The following SARDH variants were observed in gnomAD, a reference collection of about 807,000 sequenced individuals.
SARDH encodes the protein sarcosine dehydrogenase.
A neutral mutation model predicts 109.1 loss-of-function variants in SARDH; 95 were observed. The observed-to-expected ratio is 0.87, with a 90% CI of 0.74 to 1.03. The LOEUF (loss-of-function observed/expected upper bound fraction) is 1.03, where lower values mean the gene tolerates loss of function less well. Ranked by LOEUF, SARDH falls within the 50% of genes least tolerant of loss-of-function variation. The pLI is 0.00. For missense variants in SARDH, 1,267 were observed against 1,287.8 expected (o/e 0.98, Z 0.25); for synonymous variants, 572 against 534.8 (o/e 1.07, Z -0.96).
intron 13 of SARDH, among the ~76,000 whole-genome samples, chr9:133,697,499 A>C (rs1295587398): frequency 1.3e-5 from 2 of 152,260 alleles, no homozygotes; most frequent in Admixed American, 1.3e-4. Flanking sequence ...ATTTCTTACA[A>C]ATATAGATAC....
chr9:133,733,917 G>A lies in SARDH; in HGVS notation c.257C>T (p.Ala86Val), dbSNP rs1300324568. Residue 86 changes from alanine (A) to valine (V), a missense_variant, in exon 2 of 21, where the codon GCC (alanine) becomes GTC (valine). Coordinates refer to ENST00000439388, the MANE Select transcript of SARDH (RefSeq NM_001134707.2). Reference sequence around the variant, plus strand: ...CACCGCCCCACTCATGCCCAGCTTGGCCAGGTGGTACAGGGTCTGGCAGCC... The same window carrying A: ...CACCGCCCCACTCATGCCCAGCTTGACCAGGTGGTACAGGGTCTGGCAGCC... ...SLGCQTLYHL[A>V]KLGMSGAVLL... 1 of 1,565,324 alleles carries A rather than the reference G, an allele frequency of 6.4e-7. No homozygotes were observed.
intron 15 of SARDH, among the ~76,000 whole-genome samples, chr9:133,691,499 G>A (rs376213448): frequency 2.1e-4 from 32 of 152,352 alleles, no homozygotes; most frequent in African/African-American, 6.5e-4. Context: ...TTGCACCATC[G>A]GCAGTGGGTG....
At position 133,704,828 on chromosome 9, in the gene SARDH, G is replaced by T; in HGVS notation, c.1554+120C>A. 1.2e-6 allele frequency: 1 copy of T among 823,948 alleles called. No individual in the cohort carries two copies. Among genetic ancestry groups the T allele is most frequent in the Non-Finnish European group, 2.0e-6 (1 of 504,900 alleles). The allele number at this position is 823,948 out of a possible 1,614,324, so 51.0% of individuals were successfully genotyped here. A position where few individuals can be genotyped will look rare whatever the true frequency, so the allele number is the denominator to read the frequency against. On this transcript the variant is annotated intron_variant, in intron 12 of 20. Coordinates refer to ENST00000439388, the MANE Select transcript of SARDH (RefSeq NM_001134707.2). The surrounding 1 kb of genome is among the most constrained non-coding windows in gnomAD (Gnocchi z 4.5). ...TCCCGTGTGCAGAATAACTGATCAC[G>T]ACAGTGGAACCACCTGGGGAGGCGG...
intron 17 of SARDH, among the ~76,000 whole-genome samples, chr9:133,674,358 C>A (rs943571531): frequency 6.6e-6 from 1 of 152,192 alleles, no homozygotes; most frequent in Non-Finnish European, 1.5e-5. Context: ...CACATGGTCC[C>A]GGCACGTCGT....
intron 13 of SARDH, among the ~76,000 whole-genome samples, chr9:133,702,632 G>T (rs967071400): frequency 1.2e-4 from 18 of 152,194 alleles, no homozygotes; most frequent in Admixed American, 1.2e-3. Flanking sequence ...CAGCCCCACC[G>T]GGCCCCAGCC....
rs60171942 is a variant in SARDH, at chr9:133,664,563, A to AGCTGGTGACGCCTGGCACT, written c.2632-568_2632-550dup. ...GAGGGTGTCACCTCCAGCCTGGCAC[A>AGCTGGTGACGCCTGGCACT]GCTGGTGACGCCTGGCACTTTTGCT... On this transcript the variant is annotated intron_variant, in intron 20 of 20. Coordinates refer to ENST00000439388, the MANE Select transcript of SARDH (RefSeq NM_001134707.2). Among the ~76,000 whole-genome samples the AGCTGGTGACGCCTGGCACT allele has an allele frequency of 2.9e-3, 448 of 152,302 alleles. 1 individual carries two copies. Among genetic ancestry groups the AGCTGGTGACGCCTGGCACT allele is most frequent in the African/African-American group, 0.01 (429 of 41,564 alleles).
At position 133,718,827 on chromosome 9, in the gene SARDH, C is replaced by G; in HGVS notation, c.1020+111G>C. On this transcript the variant is annotated intron_variant, in intron 7 of 20. Coordinates refer to ENST00000439388, the MANE Select transcript of SARDH (RefSeq NM_001134707.2). This position sits in a 1 kb window ranked among gnomAD's most constrained non-coding sequence, Gnocchi z 4.2. ...TGGGGTCAGGGGACCGGCCACTTCT[C>G]AGGTGTGCCTCTGAGGAGCTTCAGG... 1.1e-6 allele frequency: 1 copy of G among 898,950 alleles called. No homozygotes were observed. Among genetic ancestry groups the G allele is most frequent in the Non-Finnish European group, 1.9e-6 (1 of 529,364 alleles). 55.7% of individuals were successfully genotyped at this position (898,950 alleles called of 1,614,324 possible). A position where few individuals can be genotyped will look rare whatever the true frequency, so the allele number is the denominator to read the frequency against.
intron 8 of SARDH, among the ~76,000 whole-genome samples, chr9:133,713,612 C>T (rs1832011246): frequency 6.6e-6 from 1 of 152,228 alleles, no homozygotes; most frequent in African/African-American, 2.4e-5. Flanking sequence ...GTCTGTTGAG[C>T]CAACAAAGGC....
intron 15 of SARDH, among the ~76,000 whole-genome samples, chr9:133,691,420 C>T (rs1375532111): frequency 6.6e-6 from 1 of 152,192 alleles, no homozygotes; most frequent in Non-Finnish European, 1.5e-5. Context: ...GGTCAGTCAG[C>T]CCAGGTCCAG....
At chr9:133,678,830 A>G (rs1437373494) in intron 17 of SARDH, among the ~76,000 whole-genome samples, 1 of 152,152 alleles carries the variant, frequency 6.6e-6, no homozygotes, top group Non-Finnish European at 1.5e-5. Flanking sequence ...GATTAAATCT[A>G]TCTGGTGTGC....
intron 2 of SARDH, among the ~76,000 whole-genome samples, chr9:133,733,141 G>A (rs994466882): frequency 1.3e-5 from 2 of 152,236 alleles, no homozygotes; most frequent in African/African-American, 2.4e-5. Context: ...CCAGTGAGAA[G>A]GCAAGAGCAA....
At chr9:133,662,989 A>G (rs1270633096), downstream of SARDH, among the ~76,000 whole-genome samples, 1 of 152,140 alleles carries the variant, frequency 6.6e-6, no homozygotes, top group Non-Finnish European at 1.5e-5. This position sits in a 1 kb window ranked among gnomAD's most constrained non-coding sequence, Gnocchi z 5.1. Flanking sequence ...GAGCCACCCC[A>G]TCTCAAGGCA....
chr9:133,668,306 T>TTA (rs1830152109), intron 19 of SARDH, among the ~76,000 whole-genome samples: 1 of 24,496 alleles, frequency 4.1e-5, no homozygotes, highest in East Asian at 3.9e-3. Context: ...TCCCTCTCCC[T>TTA]CCCTCTCCCC....
At chr9:133,719,939 G>A (rs184005775) in intron 6 of SARDH, among the ~76,000 whole-genome samples, 8 of 151,706 alleles carry the variant, frequency 5.3e-5, no homozygotes, top group Middle Eastern at 3.5e-3. Flanking sequence ...GTGAAACCTC[G>A]TCTCTACTAA....
At chr9:133,715,170 G>A (rs1832073170) in intron 8 of SARDH, among the ~76,000 whole-genome samples, 1 of 152,198 alleles carries the variant, frequency 6.6e-6, no homozygotes, top group Non-Finnish European at 1.5e-5. Flanking sequence ...GGAGGCCAAA[G>A]GCCATTGGCC....
Position 133,663,717 on chromosome 9 carries a change from G to T in SARDH, c.*172C>A. 1.2e-6 allele frequency: 1 copy of T among 863,370 alleles called. No homozygotes were observed. The highest frequency in any genetic ancestry group is 1.8e-6 in the Non-Finnish European group (1 of 548,958). The allele number at this position is 863,370 out of a possible 1,614,324, so 53.5% of individuals were successfully genotyped here. On this transcript the variant is annotated 3_prime_UTR_variant, in exon 21 of 21. Transcript: ENST00000439388. ...CCTTCCAGTCAGTGACCACAGGATG[G>T]GCCATCTTGGTCTCTGTCCGTATCT...
intron 13 of SARDH, among the ~76,000 whole-genome samples, chr9:133,700,258 C>T (rs1831432886): frequency 6.6e-6 from 1 of 151,984 alleles, no homozygotes; most frequent in East Asian, 1.9e-4. Context: ...ACCTGAGAGG[C>T]AGAAGTTGCA....
At position 133,712,378 on chromosome 9, in the gene SARDH, G is replaced by T. The variant is rs899550923; in HGVS notation, c.1328+241C>A. 1.3e-5 allele frequency among the ~76,000 whole-genome samples: 2 copies of T among 152,056 alleles called. No homozygotes were observed. Among genetic ancestry groups the T allele is most frequent in the Non-Finnish European group, 2.9e-5 (2 of 68,010 alleles). On this transcript the variant is annotated intron_variant, in intron 10 of 20. Transcript: ENST00000439388. The surrounding 1 kb of genome is among the most constrained non-coding windows in gnomAD (Gnocchi z 4.1). ...ACTGATGACTCCAGAGCTGTCCAGG[G>T]GCTCAGGCAGGACCCTGGGACAAGA...
chr9:133,702,964 C>T lies in SARDH; in HGVS notation c.1620G>A (p.Arg540=). ...CGAAGGTGTACTCGTCTGCCAGCAG[C>T]CTGCGGTAGGCGTAGTCCTCGTGCG... The part of the protein sequence containing the change: ...SRAHEDYAYR[R]LLADEYTFAF... Residue 540 remains arginine, a synonymous_variant, in exon 13 of 21, where the codon AGG becomes AGA. Transcript: ENST00000439388. 6.2e-7 allele frequency: 1 copy of T among 1,613,422 alleles called. No homozygotes were observed. The highest frequency in any genetic ancestry group is 1.7e-4 in the Middle Eastern group (1 of 6,060).
Sources: allele counts gnomAD v4.1 joint callset (sites outside exome capture counted in the v4.1 genomes callset), GRCh38; gene constraint gnomAD v4.1.1; non-coding constraint Gnocchi (gnomAD v3.1); transcripts MANE v1.5; gene names NCBI Gene and HGNC (gene_info 2026-07-23, HGNC 2026-07-21).